The following RGS7 variants were observed in gnomAD, a reference collection of about 807,000 sequenced individuals.
RGS7 encodes regulator of G-protein signaling 7.
Under a neutral mutation model 81.1 loss-of-function variants are expected in RGS7, and 27 were observed. The ratio of observed to expected loss-of-function variants is 0.33; its 90% CI spans 0.25 to 0.46. The LOEUF is 0.46. Ranked by LOEUF, RGS7 falls within the 20% of genes least tolerant of loss-of-function variation. The probability of loss-of-function intolerance (pLI) is 1.00; values close to 1 mark genes in which losing one functional copy is unlikely to be tolerated. For synonymous variants in RGS7, 208 were observed against 207.7 expected, an observed-to-expected ratio of 1.00 and a Z score of -0.01; for missense variants, 396 against 607.4, an observed-to-expected ratio of 0.65 and a Z score of 3.66.
At position 240,855,335 on chromosome 1, in the gene RGS7, CAAAG is replaced by C. The variant is rs1332019107; in HGVS notation, c.609+13248_609+13251del. Among the ~76,000 whole-genome samples, 42 of 85,532 alleles carry C rather than the reference CAAAG, an allele frequency of 4.9e-4. 1 individual carries two copies. Among genetic ancestry groups the C allele is most frequent in the African/African-American group, 1.7e-3 (37 of 21,808 alleles). 56.1% of individuals were successfully genotyped at this position (85,532 alleles called of 152,430 possible). On this transcript the variant is annotated intron_variant, in intron 9 of 18. Transcript: ENST00000440928. Reference sequence around the variant, plus strand: ...AAAAAAAAAAAAAAAAAAGGAGAAACAAAGAAGAAAAGGAAGAAATTATCTAAAT... The same window carrying C: ...AAAAAAAAAAAAAAAAAAGGAGAAACAAGAAAAGGAAGAAATTATCTAAAT...
intron 6 of RGS7, among the ~76,000 whole-genome samples, chr1:240,927,791 G>GA (rs573428383): frequency 1.5e-4 from 23 of 152,156 alleles, no homozygotes; most frequent in African/African-American, 5.1e-4. Flanking sequence ...TTCTTCAGAG[G>GA]AAAAAAACCC....
At chr1:241,214,990 G>C (rs572478930) in intron 2 of RGS7, among the ~76,000 whole-genome samples, 1 of 151,936 alleles carries the variant, frequency 6.6e-6, no homozygotes, top group Non-Finnish European at 1.5e-5. Flanking sequence ...TAGAGTACTT[G>C]TCTGCTAACT....
chr1:241,319,182 T>C (rs1023489011), intron 2 of RGS7, among the ~76,000 whole-genome samples: 1 of 152,214 alleles, frequency 6.6e-6, no homozygotes, highest in African/African-American at 2.4e-5. Context: ...TAATATTTAA[T>C]ATAAAAATCT....
At chr1:240,790,427 CTGGGA>C (rs1376230511) in intron 18 of RGS7, among the ~76,000 whole-genome samples, 1 of 152,084 alleles carries the variant, frequency 6.6e-6, no homozygotes, top group African/African-American at 2.4e-5. Context: ...TCCCAAAGTG[CTGGGA>C]TTACAGGCAC....
intron 2 of RGS7, among the ~76,000 whole-genome samples, chr1:241,104,653 T>A (rs1048651556): frequency 6.6e-6 from 1 of 152,106 alleles, no homozygotes; most frequent in African/African-American, 2.4e-5. Context: ...TGATTCACTA[T>A]GCGTGATAAA....
At chr1:241,232,192 T>TTCTCTC (rs111426330) in intron 2 of RGS7, among the ~76,000 whole-genome samples, 21,812 of 148,948 alleles carry the variant, frequency 0.15, 1,664 homozygotes, top group East Asian at 0.29. Flanking sequence ...TATATGTCTA[T>TTCTCTC]TCTCTCTCTC....
chr1:240,778,330 A>C (rs564827511), intron 18 of RGS7, among the ~76,000 whole-genome samples: 8 of 152,378 alleles, frequency 5.3e-5, no homozygotes, highest in African/African-American at 1.9e-4. Flanking sequence ...TTGGAAAAAG[A>C]CAATATGTTT....
At chr1:241,310,416 TGTGA>T (rs2080444827) in intron 2 of RGS7, among the ~76,000 whole-genome samples, 1 of 150,248 alleles carries the variant, frequency 6.7e-6, no homozygotes, top group African/African-American at 2.5e-5. Context: ...TGTCTGTGTG[TGTGA>T]GAGTGTATGT....
chr1:241,013,727 A>T (rs2148668593), intron 3 of RGS7, among the ~76,000 whole-genome samples: 1 of 152,344 alleles, frequency 6.6e-6, no homozygotes, highest in African/African-American at 2.4e-5. Context: ...AAGCAAAAAG[A>T]AATGACCCCT....
chr1:240,868,593 C>T lies in RGS7; in HGVS notation c.603G>A (p.Arg201=), dbSNP rs547078985. The change falls in exon 9 of 19, where the codon AGG becomes AGA. Residue 201 remains arginine, a synonymous_variant. Transcript: ENST00000440928. This position sits in a 1 kb window ranked among gnomAD's most constrained non-coding sequence, Gnocchi z 5.1. ...GAGTGCGACGCTTGCTTACCACGGGCCTGTGCACGTCCCAGAACGCTCTCT... is the reference window on the plus strand; with the variant it reads ...GAGTGCGACGCTTGCTTACCACGGGTCTGTGCACGTCCCAGAACGCTCTCT... ...SQERAFWDVH[R]PVPGCVNTTE... is the part of the protein sequence containing the mutation. 8.7e-6 allele frequency: 14 copies of T among 1,614,094 alleles called. No individual in the cohort carries two copies. In the South Asian group the frequency reaches 1.4e-4, roughly 16 times the overall value.
chr1:241,035,939 T>C (rs187459967), intron 3 of RGS7, among the ~76,000 whole-genome samples: 1 of 152,354 alleles, frequency 6.6e-6, no homozygotes, highest in East Asian at 1.9e-4. Context: ...AGTTCTTTAA[T>C]GGAAAAATCA....
intron 6 of RGS7, among the ~76,000 whole-genome samples, chr1:240,883,433 T>C (rs1418758746): frequency 1.3e-5 from 2 of 152,352 alleles, no homozygotes; most frequent in East Asian, 3.9e-4. Flanking sequence ...AACTTGTAGT[T>C]CCTTAAGGTG....
chr1:240,823,145 C>T, intron 10 of RGS7: 1 of 1,166,736 alleles, frequency 8.6e-7, no homozygotes, highest in South Asian at 1.2e-5. Context: ...ACAATGGCCA[C>T]ATTGGGGATT....
chr1:241,127,546 G>T (rs573798595), intron 2 of RGS7, among the ~76,000 whole-genome samples: 1 of 152,086 alleles, frequency 6.6e-6, no homozygotes, highest in Non-Finnish European at 1.5e-5. Context: ...CTGTTGTGGC[G>T]TGGGGGGAGC....
chr1:241,173,659 T>C (rs1288289185), intron 2 of RGS7, among the ~76,000 whole-genome samples: 1 of 152,138 alleles, frequency 6.6e-6, no homozygotes, highest in Non-Finnish European at 1.5e-5. Context: ...TGTGTGTCTG[T>C]AGTCCCAGCT....
chr1:240,959,887 T>C (rs1024050147), intron 4 of RGS7, among the ~76,000 whole-genome samples: 1 of 152,150 alleles, frequency 6.6e-6, no homozygotes, highest in African/African-American at 2.4e-5. Flanking sequence ...ATCCTAGGCA[T>C]GGTGGCTCAC....
rs534481238 is a variant in RGS7, at chr1:241,182,864, G to T, written c.79-84102C>A. 5.0e-3 allele frequency among the ~76,000 whole-genome samples: 732 copies of T among 147,684 alleles called. 2 individuals carry two copies. The highest frequency in any genetic ancestry group is 6.3e-3 in the Non-Finnish European group (421 of 66,414). On this transcript the variant is annotated intron_variant, in intron 2 of 18. Coordinates refer to ENST00000440928, the MANE Select transcript of RGS7 (RefSeq NM_001364886.1). ...TTGTTTGTTTGTTTTAGTAGAGACAGGGTTTCACCATGTTGGCCAGGCTGG... is the reference window on the plus strand; with the variant it reads ...TTGTTTGTTTGTTTTAGTAGAGACATGGTTTCACCATGTTGGCCAGGCTGG...
intron 2 of RGS7, among the ~76,000 whole-genome samples, chr1:241,272,875 C>CT (rs958994937): frequency 3.6e-4 from 55 of 152,184 alleles, no homozygotes; most frequent in African/African-American, 1.2e-3. Flanking sequence ...TGATATTGTA[C>CT]TTTTTTTTCC....
At chr1:241,254,631 A>G (rs1342739783) in intron 2 of RGS7, among the ~76,000 whole-genome samples, 1 of 152,232 alleles carries the variant, frequency 6.6e-6, no homozygotes, top group African/African-American at 2.4e-5. Flanking sequence ...CGGTTTCAAC[A>G]TATAAATTTT....
Sources: gnomAD v4.1 joint callset for allele counts (sites outside exome capture counted in the v4.1 genomes callset) on GRCh38, gnomAD v4.1.1 for gene constraint, Gnocchi (gnomAD v3.1) non-coding constraint, MANE v1.5 for transcripts, NCBI Gene and HGNC (gene_info 2026-07-23, HGNC 2026-07-21) for gene names.